The following CCDC30 variants were observed in gnomAD, a reference collection of about 807,000 sequenced individuals.
CCDC30 encodes the protein coiled-coil domain-containing protein 30.
Under a neutral mutation model 100.2 loss-of-function variants are expected in CCDC30, and 70 were observed. That is an observed-to-expected ratio of 0.70 (90% CI 0.58 to 0.85). The LOEUF is 0.85. Among genes scored for constraint, CCDC30 ranks in the 40% least tolerant of loss-of-function variants. CCDC30 has a pLI of 0.00. For synonymous variants in CCDC30, 233 were observed against 269.5 expected, an observed-to-expected ratio of 0.86 and a Z score of 1.33; for missense variants, 652 against 771.2, an observed-to-expected ratio of 0.85 and a Z score of 1.83.
chr1:42,516,769 T>C (rs1644561564), intron 6 of CCDC30, among the ~76,000 whole-genome samples: 1 of 152,072 alleles, frequency 6.6e-6, no homozygotes. Flanking sequence ...AACCCCCTTT[T>C]CTTTATAAAT....
rs533392560 is a variant in CCDC30, at chr1:42,621,660, T to C, written c.1277+10570T>C. ...CGGAGTAGCTAGGACTACAGGCGCC[T>C]GCCACCACGCAGGCTAATTTTTTTG... On this transcript the variant is annotated intron_variant, in intron 11 of 16. Transcript: ENST00000668663. Among the ~76,000 whole-genome samples the C allele has an allele frequency of 4.2e-4, 64 of 152,090 alleles. 1 individual carries two copies. The highest frequency in any genetic ancestry group is 2.7e-3 in the South Asian group (13 of 4,816).
rs1646283477 is a variant in CCDC30 at position 42,596,164 on chromosome 1, AG to A, written c.1164+6682del. On this transcript the variant is annotated intron_variant, in intron 10 of 16. Coordinates refer to ENST00000668663, the Ensembl canonical transcript of CCDC30. The surrounding 1 kb of genome is among the most constrained non-coding windows in gnomAD (Gnocchi z 4.3). ...CTGGAGCAAAACCTTCATGAGGACC[AG>A]TGCCCAGGTATGGAAACCTGAACTG... 6.6e-6 allele frequency among the ~76,000 whole-genome samples: 1 copy of A among 152,216 alleles called. No individual in the cohort carries two copies. The highest frequency in any genetic ancestry group is 6.5e-5 in the Admixed American group (1 of 15,268).
intron 11 of CCDC30, among the ~76,000 whole-genome samples, chr1:42,621,749 G>A (rs1486655993): frequency 6.6e-6 from 1 of 151,898 alleles, no homozygotes; most frequent in Non-Finnish European, 1.5e-5. Flanking sequence ...CTGACCTTGT[G>A]ATCCGCCCGC....
chr1:42,531,506 A>C (rs753081420), intron 6 of CCDC30, among the ~76,000 whole-genome samples: 1 of 152,148 alleles, frequency 6.6e-6, no homozygotes, highest in Admixed American at 6.5e-5. Context: ...CACACCTGTA[A>C]TCCTAGCATT....
At position 42,637,201 on chromosome 1, in the gene CCDC30, G is replaced by A. The variant is rs1310770827; in HGVS notation, c.1278-36G>A. The A allele has an allele frequency of 3.2e-6, 5 of 1,539,052 alleles. No individual in the cohort carries two copies. In the South Asian group the frequency reaches 4.8e-5, roughly 15 times the overall value. Reference sequence around the variant, plus strand: ...AGGATGCAAAATAAATTTTAACTGTGTTCAGATGTGTCTAAACTCAAATTT... The same window carrying A: ...AGGATGCAAAATAAATTTTAACTGTATTCAGATGTGTCTAAACTCAAATTT... On this transcript the variant is annotated intron_variant, in intron 11 of 16. Coordinates refer to ENST00000668663, the Ensembl canonical transcript of CCDC30.
intron 6 of CCDC30, among the ~76,000 whole-genome samples, chr1:42,502,454 G>A (rs142110271): frequency 2.1e-3 from 316 of 152,268 alleles, no homozygotes; most frequent in African/African-American, 6.4e-3. Context: ...GCCCTGCTTC[G>A]GCTCGTGCTC....
chr1:42,589,252 A>G, intron 9 of CCDC30, 69 bp from the exon 14 acceptor site: 2 of 1,324,412 alleles, frequency 1.5e-6, no homozygotes, highest in Non-Finnish European at 1.0e-6. Context: ...TTGTGATGCC[A>G]TAAAAATTTT....
intron 6 of CCDC30, among the ~76,000 whole-genome samples, chr1:42,555,296 A>G (rs1020546810): frequency 6.6e-6 from 1 of 152,116 alleles, no homozygotes. Context: ...CATCTATACC[A>G]ACACCCACCT....
intron 10 of CCDC30, among the ~76,000 whole-genome samples, chr1:42,601,059 A>G (rs1287968706): frequency 2.0e-5 from 3 of 152,190 alleles, no homozygotes; most frequent in African/African-American, 7.2e-5. Flanking sequence ...ACGGACTAAT[A>G]CAGACCCTAA....
At chr1:42,557,508 C>G (rs1236189761) in intron 6 of CCDC30, among the ~76,000 whole-genome samples, 4 of 151,824 alleles carry the variant, frequency 2.6e-5, no homozygotes, top group African/African-American at 9.7e-5. Context: ...AGCCAGTAGT[C>G]TTCACTCTAT....
chr1:42,459,984 T>C, upstream of CCDC30: 1 of 1,512,376 alleles, frequency 6.6e-7, no homozygotes, highest in Non-Finnish European at 8.8e-7. Context: ...TGGTGAAAAC[T>C]ACAAAAAAAA....
intron 1 of CCDC30, among the ~76,000 whole-genome samples, chr1:42,466,563 T>C (rs925139108): frequency 6.6e-6 from 1 of 152,052 alleles, no homozygotes; most frequent in Admixed American, 6.5e-5. Context: ...TTTTGTTTTT[T>C]TTTTTTGAGA....
At chr1:42,457,649 C>T in the CCDC30 span, 2 of 388,422 alleles carry the variant, frequency 5.1e-6, no homozygotes, top group South Asian at 3.0e-5. Flanking sequence ...ATGAATTGAA[C>T]TGGGTTTTAA....
chr1:42,582,514 G>T (rs543790179), intron 9 of CCDC30, among the ~76,000 whole-genome samples: 41 of 152,330 alleles, frequency 2.7e-4, no homozygotes, highest in Middle Eastern at 6.8e-3. Context: ...GCCCTTGTTT[G>T]ATAAGGGGAA....
intron 6 of CCDC30, among the ~76,000 whole-genome samples, chr1:42,532,769 T>G (rs1301807541): frequency 6.6e-6 from 1 of 152,134 alleles, no homozygotes; most frequent in Non-Finnish European, 1.5e-5. Context: ...TTTATTTATT[T>G]ATTTATTTAT....
At chr1:42,496,514 T>C (rs1230354036) in intron 4 of CCDC30, among the ~76,000 whole-genome samples, 1 of 152,000 alleles carries the variant, frequency 6.6e-6, no homozygotes, top group African/African-American at 2.4e-5. Context: ...TTAAAAATAT[T>C]ATTTTGGGAC....
intron 6 of CCDC30, chr1:42,510,142 A>C (rs567650164): frequency 2.0e-6 from 2 of 983,936 alleles, no homozygotes; most frequent in African/African-American, 1.7e-5. Flanking sequence ...GAGGGTTTCA[A>C]TTAGGGTTGT....
At position 42,479,565 on chromosome 1, in the gene CCDC30, T is replaced by TAAAAAA. The variant is rs150749741; in HGVS notation, c.-91-896_-91-895insAAAAAA. On this transcript the variant is annotated intron_variant, in intron 1 of 16. Coordinates refer to ENST00000668663, the Ensembl canonical transcript of CCDC30. Reference sequence around the variant, plus strand: ...GGAACAATTAGATATAGACATATGCTTAAAAAAAAAAAAAAAAGCCTCCCA... The same window carrying TAAAAAA: ...GGAACAATTAGATATAGACATATGCTAAAAAATAAAAAAAAAAAAAAAAGCCTCCCA... Among the ~76,000 whole-genome samples, 22 of 139,964 alleles carry TAAAAAA rather than the reference T, an allele frequency of 1.6e-4. 1 individual carries two copies. Among genetic ancestry groups the TAAAAAA allele is most frequent in the African/African-American group, 3.7e-4 (14 of 37,348 alleles). 91.8% of individuals were successfully genotyped at this position (139,964 alleles called of 152,430 possible).
At chr1:42,617,619 G>T (rs1236022617) in intron 11 of CCDC30, among the ~76,000 whole-genome samples, 1 of 152,200 alleles carries the variant, frequency 6.6e-6, no homozygotes, top group Non-Finnish European at 1.5e-5. Context: ...GTTAGAAAGT[G>T]GGGAGTGTTG....
Sources: gnomAD v4.1 joint callset for allele counts (sites outside exome capture counted in the v4.1 genomes callset) on GRCh38, gnomAD v4.1.1 for gene constraint, Gnocchi (gnomAD v3.1) non-coding constraint, MANE v1.5 for transcripts, NCBI Gene and HGNC (gene_info 2026-07-23, HGNC 2026-07-21) for gene names.